NRG3: variants seen among roughly 807,000 people sequenced by gnomAD.
NRG3 encodes pro-neuregulin-3, membrane-bound isoform.
Under a neutral mutation model 66.9 loss-of-function variants are expected in NRG3, and 31 were observed. That is an observed-to-expected ratio of 0.46 (90% CI 0.35 to 0.63). The LOEUF (loss-of-function observed/expected upper bound fraction) is 0.63, where lower values mean the gene tolerates loss of function less well. Among genes scored for constraint, NRG3 ranks in the 20% least tolerant of loss-of-function variants. The pLI, the probability that NRG3 is intolerant of heterozygous loss-of-function variation, is 0.00. For missense variants in NRG3, 910 were observed against 878.9 expected, an observed-to-expected ratio of 1.04 and a Z score of -0.45; for synonymous variants, 393 against 359.4, an observed-to-expected ratio of 1.09 and a Z score of -1.06.
intron 6 of NRG3, among the ~76,000 whole-genome samples, chr10:82,966,233 T>C (rs1851195938): frequency 6.6e-6 from 1 of 152,204 alleles, no homozygotes; most frequent in Non-Finnish European, 1.5e-5. Context: ...TTGCTGCCTG[T>C]GTTCTAATCC....
intron 1 of NRG3, among the ~76,000 whole-genome samples, chr10:82,349,410 C>T (rs4313522): frequency 0.13 from 19,579 of 147,496 alleles, 1,360 homozygotes; most frequent in East Asian, 0.27. Flanking sequence ...CTTGAGGAGG[C>T]AGTCTGCCCG....
At chr10:82,312,931 C>T (rs2081107443) in intron 1 of NRG3, among the ~76,000 whole-genome samples, 1 of 152,084 alleles carries the variant, frequency 6.6e-6, no homozygotes, top group Non-Finnish European at 1.5e-5. Context: ...AATTCCAGCA[C>T]TTTGGGAGGT....
At chr10:82,075,246 A>G (rs1451711252) in intron 1 of NRG3, among the ~76,000 whole-genome samples, 1 of 152,158 alleles carries the variant, frequency 6.6e-6, no homozygotes, top group Non-Finnish European at 1.5e-5. Flanking sequence ...TCCAGGTATT[A>G]TAACTTTGTT....
intron 7 of NRG3, 28 bp from the exon 8 acceptor site, chr10:82,978,922 T>C (rs1352898059): frequency 7.5e-6 from 12 of 1,607,000 alleles, no homozygotes; most frequent in Non-Finnish European, 1.0e-5. Context: ...TGTTTGTTTG[T>C]TTGTCTGTTT....
chr10:82,848,584 A>AAG (rs1204290712), intron 3 of NRG3, among the ~76,000 whole-genome samples: 3 of 152,120 alleles, frequency 2.0e-5, no homozygotes, highest in African/African-American at 7.2e-5. Flanking sequence ...AGACTTTGGG[A>AAG]GACTGTCAGA....
At chr10:82,920,710 A>T (rs1293294781) in intron 4 of NRG3, among the ~76,000 whole-genome samples, 1 of 152,144 alleles carries the variant, frequency 6.6e-6, no homozygotes, top group Non-Finnish European at 1.5e-5. Context: ...CAGGAAATAT[A>T]AAAAATGCTA....
chr10:82,385,389 C>A (rs1257093804), intron 2 of NRG3, among the ~76,000 whole-genome samples: 1 of 151,920 alleles, frequency 6.6e-6, no homozygotes, highest in African/African-American at 2.4e-5. Flanking sequence ...TCAAGAATAA[C>A]AATAATAGCT....
intron 2 of NRG3, among the ~76,000 whole-genome samples, chr10:82,444,070 A>G (rs890147094): frequency 1.3e-5 from 2 of 152,206 alleles, no homozygotes; most frequent in Admixed American, 1.3e-4. Context: ...GCAATAAATT[A>G]ACATGTTCAT....
intron 3 of NRG3, among the ~76,000 whole-genome samples, chr10:82,815,503 A>G (rs1013128542): frequency 3.9e-5 from 6 of 151,918 alleles, no homozygotes; most frequent in Admixed American, 2.6e-4. Flanking sequence ...TCTCTTCCTG[A>G]TCTTTCTCTT....
intron 1 of NRG3, among the ~76,000 whole-genome samples, chr10:82,111,808 T>A (rs538857555): frequency 2.6e-5 from 4 of 152,356 alleles, no homozygotes; most frequent in Admixed American, 2.6e-4. Context: ...TTGTCTTGAC[T>A]AATTTGCAAT....
intron 2 of NRG3, among the ~76,000 whole-genome samples, chr10:82,549,569 T>C (rs918555118): frequency 5.3e-5 from 8 of 152,302 alleles, no homozygotes; most frequent in African/African-American, 1.9e-4. Flanking sequence ...TGCCTGAGAT[T>C]CTGCTATATT....
intron 3 of NRG3, among the ~76,000 whole-genome samples, chr10:82,854,538 A>C (rs1463850290): frequency 6.6e-6 from 1 of 152,042 alleles, no homozygotes; most frequent in Non-Finnish European, 1.5e-5. Context: ...TTGAAGAATG[A>C]TTTTTTTTCA....
intron 4 of NRG3, among the ~76,000 whole-genome samples, chr10:82,888,837 T>TCA (rs1162994133): frequency 6.6e-6 from 1 of 152,006 alleles, no homozygotes; most frequent in East Asian, 1.9e-4. Context: ...AGGGAAGGCC[T>TCA]CACTAAGAAC....
intron 2 of NRG3, among the ~76,000 whole-genome samples, chr10:82,536,776 G>C (rs1471141526): frequency 6.6e-6 from 1 of 152,116 alleles, no homozygotes; most frequent in Admixed American, 6.6e-5. Context: ...TGATTAATCA[G>C]AGGATGACAT....
intron 3 of NRG3, among the ~76,000 whole-genome samples, chr10:82,766,700 T>A (rs1345296410): frequency 1.3e-5 from 2 of 152,078 alleles, no homozygotes; most frequent in Non-Finnish European, 2.9e-5. Flanking sequence ...CATCAAGTAG[T>A]ACGCTGATTA....
intron 1 of NRG3, among the ~76,000 whole-genome samples, chr10:82,065,172 C>T (rs2064380437): frequency 6.6e-6 from 1 of 152,078 alleles, no homozygotes; most frequent in Non-Finnish European, 1.5e-5. Flanking sequence ...CCGTAGGAGA[C>T]ATATTTACGT....
At chr10:82,550,850 G>A (rs371274758) in intron 2 of NRG3, among the ~76,000 whole-genome samples, 4 of 151,962 alleles carry the variant, frequency 2.6e-5, no homozygotes, top group African/African-American at 4.8e-5. Flanking sequence ...CAGTACCTAC[G>A]CCCAACTTCT....
chr10:82,796,624 T>C (rs1049321024), intron 3 of NRG3, among the ~76,000 whole-genome samples: 1 of 152,140 alleles, frequency 6.6e-6, no homozygotes, highest in Non-Finnish European at 1.5e-5. Flanking sequence ...AAAGCAGCAT[T>C]ACCACAGTGA....
At chr10:82,768,485 A>AT (rs1268848025) in intron 3 of NRG3, among the ~76,000 whole-genome samples, 3 of 152,238 alleles carry the variant, frequency 2.0e-5, no homozygotes, top group East Asian at 1.9e-4. Context: ...AAATAGATGC[A>AT]TGTGGTTAAT....
Sources: gnomAD v4.1 joint callset for allele counts (sites outside exome capture counted in the v4.1 genomes callset) on GRCh38, gnomAD v4.1.1 for gene constraint, MANE v1.5 for transcripts, NCBI Gene and HGNC (gene_info 2026-07-23, HGNC 2026-07-21) for gene names.